The following TECRL variants were observed in gnomAD, a reference collection of about 807,000 sequenced individuals.
The protein encoded by TECRL is trans-2,3-enoyl-CoA reductase like, also known as trans-2,3-enoyl-CoA reductase-like.
Under a neutral mutation model 52.8 loss-of-function variants are expected in TECRL, and 63 were observed. The observed-to-expected ratio is 1.19, with a 90% CI of 0.97 to 1.47. TECRL has a LOEUF of 1.47. Among genes scored for constraint, TECRL ranks in the 40% most tolerant of loss-of-function variants. The pLI is 0.00. For synonymous variants in TECRL, 164 were observed against 141.9 expected (o/e 1.16, Z -1.10); for missense variants, 482 against 429.6 (o/e 1.12, Z -1.08).
chr4:64,399,385 TAGAAAAAAAAAG>T (rs1293029184), intron 1 of TECRL, among the ~76,000 whole-genome samples: 6 of 152,104 alleles, frequency 3.9e-5, no homozygotes, highest in Admixed American at 1.3e-4. Flanking sequence ...CCACACGGCA[TAGAAAAAAAAAG>T]AGTTTTTTGA....
At chr4:64,381,928 G>T (rs990288435) in intron 1 of TECRL, among the ~76,000 whole-genome samples, 1 of 151,596 alleles carries the variant, frequency 6.6e-6, no homozygotes, top group African/African-American at 2.4e-5. Context: ...CATATGGTTT[G>T]GTTTCAGGAT....
At chr4:64,336,202 T>G (rs1719069808) in intron 2 of TECRL, among the ~76,000 whole-genome samples, 1 of 152,196 alleles carries the variant, frequency 6.6e-6, no homozygotes, top group African/African-American at 2.4e-5. Context: ...CTGTTATTGG[T>G]CTATTCAGAG....
At chr4:64,311,812 A>G (rs1717021473) in intron 5 of TECRL, among the ~76,000 whole-genome samples, 1 of 152,216 alleles carries the variant, frequency 6.6e-6, no homozygotes, top group Non-Finnish European at 1.5e-5. Flanking sequence ...AAAACCATAA[A>G]TAGGTGTGAA....
chr4:64,334,521 AGT>A (rs1169630132), intron 2 of TECRL, among the ~76,000 whole-genome samples: 2 of 152,228 alleles, frequency 1.3e-5, no homozygotes, highest in African/African-American at 4.8e-5. Flanking sequence ...AACAACTAAA[AGT>A]GTTTAACACT....
chr4:64,308,369 T>A (rs1724461620), intron 6 of TECRL, among the ~76,000 whole-genome samples: 1 of 152,146 alleles, frequency 6.6e-6, no homozygotes, highest in Non-Finnish European at 1.5e-5. Context: ...ATTAGCATTG[T>A]GGCTTCAGCT....
intron 2 of TECRL, among the ~76,000 whole-genome samples, chr4:64,340,562 C>A (rs926706084): frequency 9.2e-5 from 14 of 152,222 alleles, no homozygotes; most frequent in African/African-American, 3.4e-4. Context: ...GCTCTAGCCC[C>A]CTCTGGACTT....
chr4:64,401,443 A>G lies in TECRL; in HGVS notation c.234+7675T>C, dbSNP rs142543805. Among the ~76,000 whole-genome samples, 227 of 152,272 alleles carry G rather than the reference A, an allele frequency of 1.5e-3. 4 individuals are homozygous for G. Among genetic ancestry groups the G allele is most frequent in the Admixed American group, 0.013 (203 of 15,292 alleles). On this transcript the variant is annotated intron_variant, in intron 1 of 11. Transcript: ENST00000381210. ...TGTTCTATACTATATACTTTTCAAGATCCTTTCAAGTGCCATCTTCAGCTA... is the reference window on the plus strand; with the variant it reads ...TGTTCTATACTATATACTTTTCAAGGTCCTTTCAAGTGCCATCTTCAGCTA...
At chr4:64,311,070 T>TTACTC (rs1716961392) in intron 5 of TECRL, among the ~76,000 whole-genome samples, 1 of 152,182 alleles carries the variant, frequency 6.6e-6, no homozygotes, top group Non-Finnish European at 1.5e-5. Flanking sequence ...AGCATATCAT[T>TTACTC]TACTCTATAT....
intron 7 of TECRL, among the ~76,000 whole-genome samples, chr4:64,301,904 A>G (rs909077029): frequency 1.5e-4 from 22 of 151,274 alleles, no homozygotes; most frequent in African/African-American, 5.1e-4. Context: ...GTGCGAAGAG[A>G]AAAAACTTTC....
intron 4 of TECRL, among the ~76,000 whole-genome samples, chr4:64,317,379 T>C (rs567700739): frequency 9.9e-5 from 15 of 152,140 alleles, no homozygotes; most frequent in Non-Finnish European, 1.8e-4. Flanking sequence ...GCTTAAACTG[T>C]GCTTAATGCA....
At chr4:64,363,336 G>A (rs1721335436) in intron 2 of TECRL, among the ~76,000 whole-genome samples, 1 of 152,124 alleles carries the variant, frequency 6.6e-6, no homozygotes. Context: ...TTAAGAAATT[G>A]TTTGAAGTGC....
chr4:64,293,064 T>C (rs1723480129), intron 8 of TECRL, among the ~76,000 whole-genome samples: 1 of 152,118 alleles, frequency 6.6e-6, no homozygotes, highest in South Asian at 2.1e-4. Flanking sequence ...TGCTTCAAAC[T>C]AGTATTCATT....
chr4:64,292,978 G>C (rs1266397956), intron 8 of TECRL, among the ~76,000 whole-genome samples: 2 of 151,952 alleles, frequency 1.3e-5, no homozygotes, highest in Admixed American at 1.3e-4. Flanking sequence ...ATGCGCAGGC[G>C]TGGCTTAAAG....
chr4:64,375,418 T>C (rs1722330105), intron 1 of TECRL, among the ~76,000 whole-genome samples, 195 bp from the exon 2 acceptor site: 1 of 151,982 alleles, frequency 6.6e-6, no homozygotes, highest in Non-Finnish European at 1.5e-5. Flanking sequence ...TTTAAAAAAA[T>C]TTGTTTGTAT....
chr4:64,341,626 C>T (rs934693502), intron 2 of TECRL, among the ~76,000 whole-genome samples: 3 of 152,052 alleles, frequency 2.0e-5, no homozygotes, highest in African/African-American at 7.2e-5. Context: ...GGGGCTAAAA[C>T]ATCCCCCTTG....
At chr4:64,313,725 C>A (rs936381327) in intron 5 of TECRL, among the ~76,000 whole-genome samples, 4 of 150,614 alleles carry the variant, frequency 2.7e-5, no homozygotes, top group Non-Finnish European at 5.9e-5. Flanking sequence ...TTGTGATCCA[C>A]CCGCCTAGGC....
intron 8 of TECRL, among the ~76,000 whole-genome samples, chr4:64,297,518 C>T (rs576861923): frequency 5.3e-5 from 8 of 150,992 alleles, no homozygotes; most frequent in African/African-American, 1.7e-4. Flanking sequence ...CCATTAATTT[C>T]TCCTTTGTTT....
intron 8 of TECRL, chr4:64,298,802 T>C (rs957589397): frequency 1.3e-5 from 2 of 151,236 alleles, no homozygotes; most frequent in Non-Finnish European, 3.0e-5. Flanking sequence ...AAATAGGTGG[T>C]TATTATTTTG....
At chr4:64,371,842 T>C (rs1267983864) in intron 2 of TECRL, among the ~76,000 whole-genome samples, 2 of 151,928 alleles carry the variant, frequency 1.3e-5, no homozygotes, top group South Asian at 2.1e-4. Flanking sequence ...TAATTTGCTA[T>C]GATTTTATTT....
Sources: gnomAD v4.1 joint callset for allele counts (sites outside exome capture counted in the v4.1 genomes callset) on GRCh38, gnomAD v4.1.1 for gene constraint, MANE v1.5 for transcripts, NCBI Gene and HGNC (gene_info 2026-07-23, HGNC 2026-07-21) for gene names.